DRC11L: variants seen among roughly 807,000 people sequenced by gnomAD.
DRC11L encodes dynein regulatory complex subunit 11 like.
the DRC11L span, among the ~76,000 whole-genome samples, chr7:151,203,934 T>G: frequency 6.6e-6 from 1 of 152,170 alleles, no homozygotes; most frequent in Admixed American, 6.5e-5. Flanking sequence ...ATGAAGCAGT[T>G]ACTGAACCCT....
chr7:151,199,160 C>T, the DRC11L span, among the ~76,000 whole-genome samples: 7 of 152,268 alleles, frequency 4.6e-5, no homozygotes, highest in Non-Finnish European at 7.4e-5. This position sits in a 1 kb window ranked among gnomAD's most constrained non-coding sequence, Gnocchi z 5.2. Context: ...CACGGAACAA[C>T]GGGCATGCCT....
chr7:151,197,245 T>G, the DRC11L span: 2 of 399,618 alleles, frequency 5.0e-6, no homozygotes, highest in East Asian at 7.1e-5. Flanking sequence ...CTTCTTCTCT[T>G]TTTCATCCTT....
the DRC11L span, chr7:151,197,308 A>AT: frequency 2.5e-5 from 10 of 397,854 alleles, no homozygotes; most frequent in Admixed American, 4.4e-4. Flanking sequence ...TTGCATCTGC[A>AT]TTTCCAGTTC....
chr7:151,195,281 C>T, the DRC11L span: 1 of 397,122 alleles, frequency 2.5e-6, no homozygotes, highest in Non-Finnish European at 4.4e-6. Context: ...AGGGCAGGTA[C>T]TTGGTGAACG....
chr7:151,192,615 G>A, the DRC11L span: 2 of 398,662 alleles, frequency 5.0e-6, no homozygotes, highest in Non-Finnish European at 4.4e-6. Context: ...CTAGGTGTGA[G>A]GAGTAGAGGG....
At chr7:151,204,045 G>A in the DRC11L span, among the ~76,000 whole-genome samples, 3 of 152,142 alleles carry the variant, frequency 2.0e-5, no homozygotes, top group Non-Finnish European at 2.9e-5. Flanking sequence ...AAAAATGCAG[G>A]TGCAGATTTA....
At chr7:151,204,123 G>A in the DRC11L span, among the ~76,000 whole-genome samples, 3 of 152,154 alleles carry the variant, frequency 2.0e-5, no homozygotes. Context: ...CACACTTTGA[G>A]GAGGCTCTAA....
At chr7:151,200,057 A>T in the DRC11L span, among the ~76,000 whole-genome samples, 13 of 152,120 alleles carry the variant, frequency 8.5e-5, no homozygotes, top group Admixed American at 5.9e-4. Flanking sequence ...CTGGCTTTAT[A>T]GCCTCCTCCC....
At chr7:151,192,565 G>A in the DRC11L span, 13 of 398,262 alleles carry the variant, frequency 3.3e-5, no homozygotes, top group East Asian at 7.1e-5. Context: ...CAGCCCTAGC[G>A]GGATGAGGAG....
chr7:151,195,656 C>A, the DRC11L span: 1 of 399,594 alleles, frequency 2.5e-6, no homozygotes, highest in South Asian at 1.3e-4. Flanking sequence ...TCAGCTCATC[C>A]ACCTAGGGGA....
the DRC11L span, chr7:151,203,238 G>A: frequency 5.5e-5 from 22 of 398,254 alleles, no homozygotes; most frequent in Admixed American, 8.8e-5. Context: ...TTGTCTTGGC[G>A]TTGGAGGGTT....
chr7:151,203,530 G>T, the DRC11L span: 1 of 399,058 alleles, frequency 2.5e-6, no homozygotes, highest in Admixed American at 4.4e-5. Flanking sequence ...GAGCAATGTT[G>T]GGGGAGGAGG....
chr7:151,195,927 C>CT, the DRC11L span: 1 of 317,628 alleles, frequency 3.1e-6, no homozygotes, highest in Non-Finnish European at 5.7e-6. Flanking sequence ...TGCGGAGAAG[C>CT]CCCCAGATGG....
the DRC11L span, chr7:151,197,144 C>T: frequency 1.0e-5 from 4 of 399,818 alleles, no homozygotes; most frequent in African/African-American, 2.1e-5. Flanking sequence ...CTTCCTACCA[C>T]GAGTTCCCCC....
At chr7:151,203,167 G>T in the DRC11L span, 1 of 398,788 alleles carries the variant, frequency 2.5e-6, no homozygotes, top group South Asian at 1.3e-4. Context: ...GCCGCTGGGA[G>T]ACCAGCCATC....
the DRC11L span, chr7:151,196,111 C>A: frequency 3.8e-6 from 1 of 265,054 alleles, no homozygotes; most frequent in Non-Finnish European, 7.1e-6. Context: ...TGGGACACGT[C>A]GTCAGAGGGT....
the DRC11L span, chr7:151,198,983 T>C: frequency 5.0e-6 from 2 of 399,050 alleles, no homozygotes; most frequent in South Asian, 1.3e-4. Context: ...TCAGGTGCTC[T>C]ACCTGGTTGG....
At chr7:151,200,489 C>G in the DRC11L span, 1 of 399,318 alleles carries the variant, frequency 2.5e-6, no homozygotes, top group Non-Finnish European at 4.4e-6. Context: ...ACAGGACACA[C>G]AGGACACACA....
chr7:151,204,502 C>T, the DRC11L span: 1 of 399,060 alleles, frequency 2.5e-6, no homozygotes, highest in Non-Finnish European at 4.4e-6. Flanking sequence ...CGGCTGCGCA[C>T]ACGTACTGGG....
Sources: gnomAD v4.1 joint callset for allele counts (sites outside exome capture counted in the v4.1 genomes callset) on GRCh38, gnomAD v4.1.1 for gene constraint, Gnocchi (gnomAD v3.1) non-coding constraint, MANE v1.5 for transcripts, NCBI Gene and HGNC (gene_info 2026-07-23, HGNC 2026-07-21) for gene names.